C2orf49: variants seen among roughly 807,000 people sequenced by gnomAD.
C2orf49 encodes tRNA splicing ligase complex subunit 2.
C2orf49 carries 11 observed loss-of-function variants against 20.6 expected under a neutral mutation model. The observed-to-expected ratio is 0.53, with a 90% CI of 0.34 to 0.88. C2orf49 has a LOEUF of 0.88. C2orf49 is among the 40% of genes least tolerant of loss of function. The probability of loss-of-function intolerance (pLI) is 0.02; values close to 1 mark genes in which losing one functional copy is unlikely to be tolerated. For synonymous variants in C2orf49, 134 were observed against 108.5 expected (o/e 1.24, Z -1.46); for missense variants, 289 against 274.2 (o/e 1.05, Z -0.38).
At chr2:105,350,573 G>A (rs1679909614), downstream of C2orf49, among the ~76,000 whole-genome samples, 1 of 152,070 alleles carries the variant, frequency 6.6e-6, no homozygotes, top group African/African-American at 2.4e-5. Context: ...TAATCTTCAG[G>A]TAAATAGTTT....
downstream of C2orf49, among the ~76,000 whole-genome samples, chr2:105,352,398 G>C (rs920866650): frequency 6.9e-6 from 1 of 143,976 alleles, no homozygotes; most frequent in Non-Finnish European, 1.5e-5. Context: ...GTCCCTGTCC[G>C]CAAGGGCCTT....
chr2:105,364,806 CTG>C, the C2orf49 span, among the ~76,000 whole-genome samples: 1 of 152,150 alleles, frequency 6.6e-6, no homozygotes, highest in African/African-American at 2.4e-5. Flanking sequence ...GATGAGTAAA[CTG>C]AGACTCAGAG....
chr2:105,372,061 G>C, the C2orf49 span, among the ~76,000 whole-genome samples: 13 of 152,274 alleles, frequency 8.5e-5, no homozygotes, highest in African/African-American at 3.1e-4. Context: ...CTGCCAACAG[G>C]GCTGGGACTG....
rs1679615346 is a variant in C2orf49, at chr2:105,339,725, A to G, written c.242A>G (p.His81Arg). 6.3e-7 allele frequency: 1 copy of G among 1,599,478 alleles called. No individual in the cohort carries two copies. The highest frequency in any genetic ancestry group is 1.1e-5 in the South Asian group (1 of 86,982). Residue 81 changes from histidine to arginine, a missense_variant, in exon 2 of 4, where the codon CAT becomes CGT. Coordinates refer to ENST00000258457, the MANE Select transcript of C2orf49 (RefSeq NM_024093.3). Reference sequence around the variant, plus strand: ...ATGATGGAAAAGAAAAGAGAACAACATGAGATTAAAAATGAGACTAAAAGG... The same window carrying G: ...ATGATGGAAAAGAAAAGAGAACAACGTGAGATTAAAAATGAGACTAAAAGG... ...GKMMEKKREQ[H>R]EIKNETKRSS...
At chr2:105,339,878 G>A in intron 2 of C2orf49, 129 bp downstream of exon 2, 1 of 777,810 alleles carries the variant, frequency 1.3e-6, no homozygotes, top group Admixed American at 3.5e-5. Context: ...TGAGCACCAG[G>A]CACTGTGCGT....
downstream of C2orf49, among the ~76,000 whole-genome samples, chr2:105,349,411 CA>C (rs1484779712): frequency 6.6e-6 from 1 of 152,180 alleles, no homozygotes; most frequent in Non-Finnish European, 1.5e-5. Flanking sequence ...TTGTACTTAA[CA>C]CATAGATTCT....
At chr2:105,369,295 C>T in the C2orf49 span, among the ~76,000 whole-genome samples, 2 of 152,176 alleles carry the variant, frequency 1.3e-5, no homozygotes, top group Admixed American at 6.5e-5. Context: ...TAGTCCATAG[C>T]TCTCAGCCCC....
chr2:105,344,778 G>A (rs993900875), intron 3 of C2orf49, among the ~76,000 whole-genome samples: 2 of 151,612 alleles, frequency 1.3e-5, no homozygotes, highest in African/African-American at 4.9e-5. Flanking sequence ...TAGAGACAGG[G>A]TTTCACCAAA....
At chr2:105,338,219 T>C (rs981924510) in intron 1 of C2orf49, among the ~76,000 whole-genome samples, 1 of 152,152 alleles carries the variant, frequency 6.6e-6, no homozygotes, top group African/African-American at 2.4e-5. Flanking sequence ...TTCCAGCTGG[T>C]GTGGCCTCTG....
downstream of C2orf49, among the ~76,000 whole-genome samples, chr2:105,351,672 CT>C (rs1679940234): frequency 6.8e-6 from 1 of 147,176 alleles, no homozygotes; most frequent in African/African-American, 2.4e-5. Flanking sequence ...CACATCCTTT[CT>C]GGTATTATAG....
At chr2:105,350,963 T>A (rs1679917568), downstream of C2orf49, among the ~76,000 whole-genome samples, 1 of 152,138 alleles carries the variant, frequency 6.6e-6, no homozygotes, top group Admixed American at 6.5e-5. Flanking sequence ...CAGGGTACCA[T>A]GTTATTTAGT....
chr2:105,367,118 G>A, the C2orf49 span, among the ~76,000 whole-genome samples: 6 of 152,172 alleles, frequency 3.9e-5, no homozygotes, highest in Non-Finnish European at 2.9e-5. Context: ...ATCCATGGAG[G>A]CAGACTTTTC....
At chr2:105,375,707 C>G in the C2orf49 span, 1 of 152,388 alleles carries the variant, frequency 6.6e-6, no homozygotes. Flanking sequence ...CTGAGCCCAG[C>G]ACCTCTGGGT....
At chr2:105,350,746 A>G (rs1679912631), downstream of C2orf49, among the ~76,000 whole-genome samples, 1 of 152,204 alleles carries the variant, frequency 6.6e-6, no homozygotes, top group South Asian at 2.1e-4. Flanking sequence ...TTTAAAATAA[A>G]CTTTTAAAAA....
At position 105,337,712 on chromosome 2, in the gene C2orf49, G is replaced by A. The variant is rs928339440; in HGVS notation, c.99+26G>A. On this transcript the variant is annotated intron_variant, in intron 1 of 3. Coordinates refer to ENST00000258457, the MANE Select transcript of C2orf49 (RefSeq NM_024093.3). Reference sequence around the variant, plus strand: ...GTTGGGCGCGCCGGATCGGAGGGTGGGCGGGTGGGCCTTCCCAGGTGAGGC... The same window carrying A: ...GTTGGGCGCGCCGGATCGGAGGGTGAGCGGGTGGGCCTTCCCAGGTGAGGC... 8 of 358,308 alleles carry A rather than the reference G, an allele frequency of 2.2e-5. 1 individual carries two copies. Among genetic ancestry groups the A allele is most frequent in the East Asian group, 8.4e-5 (1 of 11,862 alleles). 22.2% of individuals were successfully genotyped at this position (358,308 alleles called of 1,614,324 possible). A position where few individuals can be genotyped will look rare whatever the true frequency, so the allele number is the denominator to read the frequency against.
chr2:105,355,770 T>TTGTGTGTGTGTGTGTGTG, the C2orf49 span, among the ~76,000 whole-genome samples: 1 of 143,110 alleles, frequency 7.0e-6, no homozygotes, highest in African/African-American at 2.6e-5. Context: ...AGAAAAAATT[T>TTGTGTGTGTGTGTGTGTG]TGTGTGTGTG....
At chr2:105,345,014 A>G (rs537144179) in intron 3 of C2orf49, among the ~76,000 whole-genome samples, 144 of 152,324 alleles carry the variant, frequency 9.5e-4, no homozygotes, top group African/African-American at 3.3e-3. Flanking sequence ...CTTCCAAAAA[A>G]AGCAAAAAGA....
the C2orf49 span, among the ~76,000 whole-genome samples, chr2:105,379,789 C>T: frequency 6.6e-6 from 1 of 152,214 alleles, no homozygotes; most frequent in Non-Finnish European, 1.5e-5. Flanking sequence ...CCCCAAAAGG[C>T]CAAATCCCAC....
At chr2:105,363,379 C>T in the C2orf49 span, 1 of 1,614,150 alleles carries the variant, frequency 6.2e-7, no homozygotes, top group Non-Finnish European at 8.5e-7. Context: ...CTGTGAAGCG[C>T]TGCCCAGACA....
Sources: allele counts gnomAD v4.1 joint callset (sites outside exome capture counted in the v4.1 genomes callset), GRCh38; gene constraint gnomAD v4.1.1; transcripts MANE v1.5; gene names NCBI Gene and HGNC (gene_info 2026-07-23, HGNC 2026-07-21).